CDH20: variants seen among roughly 807,000 people sequenced by gnomAD.
CDH20 encodes the protein cadherin-20.
CDH20 carries 29 observed loss-of-function variants against 74.2 expected under a neutral mutation model. That is an observed-to-expected ratio of 0.39 (90% CI 0.29 to 0.53). The LOEUF is 0.53. CDH20 is among the 20% of genes least tolerant of loss of function. The probability of loss-of-function intolerance (pLI) is 0.69; values close to 1 mark genes in which losing one functional copy is unlikely to be tolerated. For synonymous variants in CDH20, 469 were observed against 405.4 expected (o/e 1.16, Z -1.88); for missense variants, 988 against 1,048.3 (o/e 0.94, Z 0.79).
chr18:61,493,200 G>A (rs779975676), intron 2 of CDH20, among the ~76,000 whole-genome samples: 2 of 151,886 alleles, frequency 1.3e-5, no homozygotes, highest in Non-Finnish European at 2.9e-5. Flanking sequence ...ACGTGCAATC[G>A]GTCCCCATAT....
chr18:61,511,142 A>G (rs1348688080), intron 6 of CDH20, among the ~76,000 whole-genome samples: 1 of 130,908 alleles, frequency 7.6e-6, no homozygotes, highest in Admixed American at 9.8e-5. Flanking sequence ...ATGTGCCATC[A>G]CAGCCACCTA....
chr18:61,396,184 A>G (rs1217703678), intron 1 of CDH20, among the ~76,000 whole-genome samples: 3 of 152,126 alleles, frequency 2.0e-5, no homozygotes, highest in Non-Finnish European at 2.9e-5. Context: ...GAGACTACAG[A>G]AGAGTGCTCT....
intron 2 of CDH20, among the ~76,000 whole-genome samples, chr18:61,491,172 T>C (rs1910948586): frequency 5.3e-5 from 8 of 152,174 alleles, no homozygotes; most frequent in Admixed American, 5.2e-4. Context: ...CTTTGTGTTT[T>C]TGTGGGGTTT....
intron 1 of CDH20, among the ~76,000 whole-genome samples, chr18:61,482,175 C>T (rs1392758353): frequency 1.3e-5 from 2 of 152,046 alleles, no homozygotes; most frequent in African/African-American, 4.8e-5. Context: ...AGCTCACATT[C>T]GTTATGCCCA....
intron 1 of CDH20, among the ~76,000 whole-genome samples, chr18:61,336,236 A>G (rs942406359): frequency 2.6e-5 from 4 of 152,246 alleles, no homozygotes; most frequent in African/African-American, 9.6e-5. Context: ...TCTCAGATTC[A>G]GGAAGAGGAC....
At chr18:61,336,368 G>GTA (rs1909761356) in intron 1 of CDH20, among the ~76,000 whole-genome samples, 1 of 152,206 alleles carries the variant, frequency 6.6e-6, no homozygotes. Context: ...TCATAGCGCA[G>GTA]TAGTCTTCTC....
chr18:61,544,902 T>A, intron 9 of CDH20, 125 bp from the exon 10 acceptor site: 1 of 690,178 alleles, frequency 1.4e-6, no homozygotes, highest in South Asian at 1.7e-5. Flanking sequence ...CCCTCTCCCA[T>A]ACCAATGATA....
intron 1 of CDH20, among the ~76,000 whole-genome samples, chr18:61,352,605 T>G (rs1910344359): frequency 6.6e-6 from 1 of 152,234 alleles, no homozygotes; most frequent in Admixed American, 6.5e-5. Flanking sequence ...GATACTGTTT[T>G]ACTGATGATG....
At chr18:61,351,192 G>C (rs1183959050) in intron 1 of CDH20, among the ~76,000 whole-genome samples, 2 of 152,102 alleles carry the variant, frequency 1.3e-5, no homozygotes, top group South Asian at 4.1e-4. Flanking sequence ...CTGTGTAATG[G>C]TTAAGTGCAC....
At chr18:61,471,823 A>G (rs1309897812) in intron 1 of CDH20, among the ~76,000 whole-genome samples, 1 of 152,184 alleles carries the variant, frequency 6.6e-6, no homozygotes, top group Non-Finnish European at 1.5e-5. Context: ...TTAATTAACA[A>G]TAATTTGAAA....
intron 1 of CDH20, among the ~76,000 whole-genome samples, chr18:61,422,945 C>T (rs1399293786): frequency 6.6e-6 from 1 of 152,118 alleles, no homozygotes; most frequent in Admixed American, 6.6e-5. Context: ...TAACGGAATT[C>T]TCTTTTACAC....
intron 6 of CDH20, among the ~76,000 whole-genome samples, chr18:61,508,699 CA>C (rs904849681): frequency 2.0e-5 from 3 of 152,112 alleles, no homozygotes; most frequent in African/African-American, 7.2e-5. Context: ...TACAGTGGCG[CA>C]ATCTCGGCTC....
intron 1 of CDH20, among the ~76,000 whole-genome samples, chr18:61,342,970 G>A (rs778760858): frequency 1.3e-5 from 2 of 152,162 alleles, no homozygotes; most frequent in Non-Finnish European, 2.9e-5. Context: ...GGATTGCCAT[G>A]TTTATATCTT....
intron 1 of CDH20, among the ~76,000 whole-genome samples, chr18:61,396,893 T>C (rs1911999039): frequency 6.6e-6 from 1 of 152,210 alleles, no homozygotes; most frequent in South Asian, 2.1e-4. Context: ...ATTTGCAATT[T>C]GTCCACACAC....
chr18:61,492,361 T>A (rs775044201), intron 2 of CDH20, among the ~76,000 whole-genome samples: 35 of 152,102 alleles, frequency 2.3e-4, no homozygotes, highest in Admixed American at 9.8e-4. Flanking sequence ...GTACCTAGCC[T>A]CCCAACCAGT....
chr18:61,416,258 AT>A (rs1912680346), intron 1 of CDH20, among the ~76,000 whole-genome samples: 1 of 152,238 alleles, frequency 6.6e-6, no homozygotes, highest in South Asian at 2.1e-4. Context: ...TCAAATGCAA[AT>A]CAGATCCAAT....
intron 1 of CDH20, among the ~76,000 whole-genome samples, chr18:61,464,315 TAA>T (rs35878314): frequency 2.7e-5 from 4 of 146,892 alleles, no homozygotes; most frequent in African/African-American, 5.0e-5. Flanking sequence ...AGCAAGGTGT[TAA>T]AAAAAAAAAA....
intron 1 of CDH20, among the ~76,000 whole-genome samples, chr18:61,395,645 A>G (rs1312253607): frequency 6.6e-6 from 1 of 152,206 alleles, no homozygotes; most frequent in Non-Finnish European, 1.5e-5. Context: ...CCAATCACAG[A>G]TGTTAATGTT....
At chr18:61,528,750 T>A (rs943123167) in intron 7 of CDH20, among the ~76,000 whole-genome samples, 4 of 152,164 alleles carry the variant, frequency 2.6e-5, no homozygotes, top group Admixed American at 2.6e-4. Flanking sequence ...AATGTTAAAA[T>A]CCATTGACTC....
Sources: allele counts gnomAD v4.1 joint callset (sites outside exome capture counted in the v4.1 genomes callset), GRCh38; gene constraint gnomAD v4.1.1; transcripts MANE v1.5; gene names NCBI Gene and HGNC (gene_info 2026-07-23, HGNC 2026-07-21).